The following GLI4 variants were observed in gnomAD, a reference collection of about 807,000 sequenced individuals.
The protein encoded by GLI4 is GLI family zinc finger 4.
A neutral mutation model predicts 30.9 loss-of-function variants in GLI4; 34 were observed. That is an observed-to-expected ratio of 1.10 (90% CI 0.84 to 1.47). The LOEUF is 1.47. Among genes scored for constraint, GLI4 ranks in the 40% most tolerant of loss-of-function variants. The pLI, the probability that GLI4 is intolerant of heterozygous loss-of-function variation, is 0.00. For synonymous variants in GLI4, 277 were observed against 236.7 expected (o/e 1.17, Z -1.56); for missense variants, 696 against 538.9 (o/e 1.29, Z -2.89).
chr8:143,274,752 A>C lies in GLI4; in HGVS notation c.173A>C (p.Asp58Ala), dbSNP rs1283137152. 6.4e-7 allele frequency: 1 copy of C among 1,572,306 alleles called. No individual in the cohort carries two copies. The highest frequency in any genetic ancestry group is 1.2e-5 in the South Asian group (1 of 86,298). ...PKVLSQPSDL[D>A]LQDVEEVEIG... ...GTGCTCTCCCAGCCGTCCGACCTGG[A>C]TCTCCAAGACGTAGAGGAAGTGGAG... The change falls in exon 3 of 4, where the codon GAT becomes GCT. Residue 58 changes from aspartate (D) to alanine (A), a missense_variant. By Grantham distance (126) the Asp-to-Ala change is moderately radical (BLOSUM62 -2). Transcript: ENST00000340042.
In GLI4 at chr8:143,276,282, CATCCACACGGGCGA is replaced by C; in HGVS notation, c.610_623del (p.Ile204GlufsTer84). The C allele has an allele frequency of 1.2e-6, 2 of 1,611,820 alleles. No homozygotes were observed. The highest frequency in any genetic ancestry group is 2.2e-5 in the South Asian group (2 of 90,994). Reference sequence around the variant, plus strand: ...ACTCGCTGCTCCTGAAGCACCAGCGCATCCACACGGGCGAGAAGCCCTACGCCTGCCACGAGTGC... The same window carrying C: ...ACTCGCTGCTCCTGAAGCACCAGCGCGAAGCCCTACGCCTGCCACGAGTGC... On this transcript the variant is annotated frameshift_variant, in exon 4 of 4. Coordinates refer to ENST00000340042, the MANE Select transcript of GLI4 (RefSeq NM_138465.4). LOFTEE classifies it high-confidence loss of function.
In GLI4 at chr8:143,269,464, G is replaced by T; in HGVS notation, c.68G>T (p.Gly23Val). 1 of 1,612,068 alleles carries T rather than the reference G, an allele frequency of 6.2e-7. No homozygotes were observed. Among genetic ancestry groups the T allele is most frequent in the Non-Finnish European group, 8.5e-7 (1 of 1,178,662 alleles). The change falls in exon 2 of 4, where the codon GGG becomes GTG. Residue 23 changes from glycine to valine, a missense_variant. Coordinates refer to ENST00000340042, the MANE Select transcript of GLI4 (RefSeq NM_138465.4). ...TCCCCTGTCAGTCTCTCATCACCGG[G>T]GACACCTGGAACCCAGCACCACGAG... Reference protein sequence around the residue: ...VPSPVSLSSPGTPGTQHHEPQ... With the variant: ...VPSPVSLSSPVTPGTQHHEPQ...
At chr8:143,270,548 G>A (rs557621354) in intron 2 of GLI4, among the ~76,000 whole-genome samples, 1 of 152,302 alleles carries the variant, frequency 6.6e-6, no homozygotes, top group Admixed American at 6.5e-5. Flanking sequence ...GGGCTACCTG[G>A]AAGGATCCCA....
intron 1 of GLI4, 84 bp downstream of exon 1, chr8:143,267,568 G>A: frequency 1.0e-6 from 1 of 985,548 alleles, no homozygotes; most frequent in South Asian, 4.7e-5. Context: ...CCGCGGTGCA[G>A]CCCTGCCCAG....
chr8:143,272,908 C>T (rs966491404), intron 2 of GLI4, among the ~76,000 whole-genome samples: 11 of 152,164 alleles, frequency 7.2e-5, no homozygotes, highest in Non-Finnish European at 1.5e-4. Context: ...CACCACCTGG[C>T]GTTGCTTGAC....
chr8:143,274,721 C>A lies in GLI4; in HGVS notation c.142C>A (p.Pro48Thr). The change falls in exon 3 of 4, where the codon CCT becomes ACT. Residue 48 changes from proline (P) to threonine (T), a missense_variant. Pro to Thr is a conservative substitution (Grantham distance 38). Coordinates refer to ENST00000340042, the MANE Select transcript of GLI4 (RefSeq NM_138465.4). ...ACCCCCAGGCTCCCCTGGCTCCAGC[C>A]CTAAGGTGCTCTCCCAGCCGTCCGA... ...GHQHGSPGSS[P>T]KVLSQPSDLD... 6.4e-7 allele frequency: 1 copy of A among 1,562,986 alleles called. No homozygotes were observed. The highest frequency in any genetic ancestry group is 2.4e-5 in the East Asian group (1 of 41,512).
intron 3 of GLI4, chr8:143,275,033 G>A (rs1258165436): frequency 2.0e-6 from 3 of 1,525,836 alleles, no homozygotes; most frequent in Non-Finnish European, 2.6e-6. Flanking sequence ...ACCTGCGCCA[G>A]TGGCCCCACG....
At position 143,269,447 on chromosome 8, in the gene GLI4, C is replaced by G. The variant is rs781522097; in HGVS notation, c.51C>G (p.Val17=). Residue 17 remains valine, a synonymous_variant, in exon 2 of 4, where the codon GTC becomes GTG. Transcript: ENST00000340042. ...IQESPSVPSP[V]SLSSPGTPGT... The stretch of plus-strand genomic sequence containing the variant: ...AGTCCCCTTCTGTCCCGTCCCCTGT[C>G]AGTCTCTCATCACCGGGGACACCTG... 1.9e-6 allele frequency: 3 copies of G among 1,608,250 alleles called. No homozygotes were observed. In the African/African-American group the frequency reaches 4.0e-5, roughly 21 times the overall value.
In GLI4 at chr8:143,276,727, G is replaced by A. The variant is rs1358961378; in HGVS notation, c.1054G>A (p.Ala352Thr). The A allele has an allele frequency of 1.2e-6, 2 of 1,609,510 alleles. No homozygotes were observed. Among genetic ancestry groups the A allele is most frequent in the African/African-American group, 1.3e-5 (1 of 74,958 alleles). Residue 352 changes from alanine (A) to threonine (T), a missense_variant, in exon 4 of 4, where the codon GCG (alanine) becomes ACG (threonine). Physicochemically the swap from Ala to Thr is moderately conservative, Grantham distance 58 (BLOSUM62 0). Transcript: ENST00000340042. ...LRTHTGEKPF[A>T]CGACGKAFGQ... ...GACCCACACGGGCGAGAAGCCCTTC[G>A]CGTGTGGCGCCTGCGGCAAGGCCTT...
At chr8:143,275,857 G>T in intron 3 of GLI4, 40 bp from the exon 4 acceptor site, 3 of 1,259,382 alleles carry the variant, frequency 2.4e-6, no homozygotes, top group African/African-American at 3.1e-5. Context: ...CACGGTGGGG[G>T]CATGCGGGTA....
chr8:143,270,757 G>A (rs1815250232), intron 2 of GLI4, among the ~76,000 whole-genome samples: 1 of 152,042 alleles, frequency 6.6e-6, no homozygotes, highest in African/African-American at 2.4e-5. Flanking sequence ...GCAGACTCAG[G>A]GCATGCCCTG....
At position 143,276,407 on chromosome 8, in the gene GLI4, G is replaced by C. The variant is rs765474383; in HGVS notation, c.734G>C (p.Gly245Ala). 5.6e-6 allele frequency: 9 copies of C among 1,612,506 alleles called. No homozygotes were observed. Among genetic ancestry groups the C allele is most frequent in the Non-Finnish European group, 6.8e-6 (8 of 1,179,764 alleles). ...AAGCCCTACGAGTGCGGCCAGTGCG[G>C]CCGCGCCTTCAGCCACAGCTCGCAC... ...GEKPYECGQCGRAFSHSSHFT... is the reference protein window; with the variant it reads ...GEKPYECGQCARAFSHSSHFT... The change falls in exon 4 of 4, where the codon GGC (glycine) becomes GCC (alanine). Residue 245 changes from glycine to alanine, a missense_variant. By Grantham distance (60) the Gly-to-Ala change is moderately conservative. Transcript: ENST00000340042.
chr8:143,274,184 C>G (rs916720266), intron 2 of GLI4, among the ~76,000 whole-genome samples: 2 of 152,222 alleles, frequency 1.3e-5, no homozygotes, highest in African/African-American at 4.8e-5. Flanking sequence ...TGCGCTGGGC[C>G]TGCTGGAAGC....
At position 143,272,747 on chromosome 8, in the gene GLI4, G is replaced by A. The variant is rs1586727742; in HGVS notation, c.125-1957G>A. Among the ~76,000 whole-genome samples, 3 of 152,300 alleles carry A rather than the reference G, an allele frequency of 2.0e-5. No individual in the cohort carries two copies. The South Asian group carries it at 6.2e-4, about 32-fold the overall frequency. On this transcript the variant is annotated intron_variant, in intron 2 of 3. Transcript: ENST00000340042. ...CAGGGTTAGGCAGTGGAATGACAGT[G>A]ACCCATGCAGCCCACACCTGACCCT...
chr8:143,273,940 C>T (rs1210528299), intron 2 of GLI4, among the ~76,000 whole-genome samples: 3 of 152,200 alleles, frequency 2.0e-5, no homozygotes, highest in African/African-American at 7.2e-5. Context: ...CCTGGTGCCC[C>T]TGCTGGCGTG....
At chr8:143,275,794 C>G in intron 3 of GLI4, 103 bp from the exon 4 acceptor site, 10 of 1,244,960 alleles carry the variant, frequency 8.0e-6, no homozygotes, top group Non-Finnish European at 1.0e-5. Flanking sequence ...CTTGTCCCCT[C>G]TAAGCCCCCC....
At chr8:143,268,023 T>C (rs1815176992) in intron 1 of GLI4, 1 of 985,296 alleles carries the variant, frequency 1.0e-6, no homozygotes, top group Non-Finnish European at 1.2e-6. Flanking sequence ...CACGCTGTGA[T>C]GGTCGCCTCT....
intron 1 of GLI4, chr8:143,268,178 C>A: frequency 1.3e-6 from 1 of 757,516 alleles, no homozygotes; most frequent in Non-Finnish European, 1.6e-6. Flanking sequence ...GTGACCTGAC[C>A]CTTCCCATCA....
chr8:143,275,422 C>A (rs1196726783), intron 3 of GLI4: 1 of 1,382,206 alleles, frequency 7.2e-7, no homozygotes, highest in Non-Finnish European at 9.3e-7. Flanking sequence ...CTGGGGTGGG[C>A]ATGGGAGCTG....
Sources: gnomAD v4.1 joint callset for allele counts (sites outside exome capture counted in the v4.1 genomes callset) on GRCh38, gnomAD v4.1.1 for gene constraint, MANE v1.5 for transcripts, NCBI Gene and HGNC (gene_info 2026-07-23, HGNC 2026-07-21) for gene names.